ITPR2: variants seen among roughly 807,000 people sequenced by gnomAD.
ITPR2 encodes inositol 1,4,5-trisphosphate-gated calcium channel ITPR2.
Under a neutral mutation model 317.1 loss-of-function variants are expected in ITPR2, and 207 were observed. The observed-to-expected ratio is 0.65, with a 90% CI of 0.58 to 0.73. The LOEUF (loss-of-function observed/expected upper bound fraction) is 0.73, where lower values mean the gene tolerates loss of function less well. Ranked by LOEUF, ITPR2 falls within the 30% of genes least tolerant of loss-of-function variation. The pLI is 0.00. For synonymous variants in ITPR2, 1,156 were observed against 1,149.1 expected (o/e 1.01, Z -0.12); for missense variants, 2,613 against 3,284.0 (o/e 0.80, Z 4.99).
intron 44 of ITPR2, 74 bp from the exon 45 acceptor site, chr12:26,475,492 A>AAAT: frequency 4.6e-6 from 7 of 1,524,502 alleles, no homozygotes; most frequent in Non-Finnish European, 6.2e-6. Flanking sequence ...ATTTAATTAA[A>AAAT]AATTGGGCAG....
intron 2 of ITPR2, among the ~76,000 whole-genome samples, chr12:26,727,440 T>A (rs1193503400): frequency 6.6e-6 from 1 of 152,192 alleles, no homozygotes; most frequent in Admixed American, 6.5e-5. Context: ...AGAGAAAAAA[T>A]TGTGTTTCTC....
At chr12:26,516,280 G>GGGAAAGGAAAGGAAAGGAAA (rs1943503195) in intron 37 of ITPR2, among the ~76,000 whole-genome samples, 1 of 45,212 alleles carries the variant, frequency 2.2e-5, no homozygotes, top group Non-Finnish European at 3.8e-5. Context: ...AGGAAGGGAA[G>GGGAAAGGAAAGGAAAGGAAA]GGAAGGGAAA....
At chr12:26,763,531 T>C (rs571762174) in intron 2 of ITPR2, among the ~76,000 whole-genome samples, 2 of 152,286 alleles carry the variant, frequency 1.3e-5, no homozygotes, top group East Asian at 1.9e-4. Flanking sequence ...CTCAGGATAG[T>C]AGTTATCTTT....
At chr12:26,631,145 T>C (rs967480332) in intron 22 of ITPR2, among the ~76,000 whole-genome samples, 1 of 152,116 alleles carries the variant, frequency 6.6e-6, no homozygotes, top group African/African-American at 2.4e-5. Flanking sequence ...CAAACTCCAT[T>C]CTCCAAATCT....
intron 45 of ITPR2, among the ~76,000 whole-genome samples, chr12:26,465,760 C>T (rs769138154): frequency 6.6e-6 from 1 of 152,088 alleles, no homozygotes; most frequent in Non-Finnish European, 1.5e-5. Context: ...TAAAGGTATA[C>T]TCCATGGGGG....
chr12:26,625,666 GTATA>G (rs1946606908), intron 23 of ITPR2, among the ~76,000 whole-genome samples: 2 of 152,084 alleles, frequency 1.3e-5, no homozygotes, highest in South Asian at 4.1e-4. Context: ...AAGTGTGTGT[GTATA>G]TATAGATCAT....
chr12:26,666,135 G>GAGATAGATGATAGATAGAT (rs1555173863), intron 13 of ITPR2, 84 bp from the exon 14 acceptor site: 5 of 411,782 alleles, frequency 1.2e-5, no homozygotes, highest in Non-Finnish European at 2.1e-5. Context: ...TAGGTAGGTA[G>GAGATAGATGATAGATAGAT]AGATAGATAG....
rs1940689036 is a variant in ITPR2 at position 26,415,358 on chromosome 12, C to A, written c.7251G>T (p.Leu2417Phe). 1.2e-6 allele frequency: 2 copies of A among 1,611,556 alleles called. No individual in the cohort carries two copies. The highest frequency in any genetic ancestry group is 4.5e-5 in the East Asian group (2 of 44,788). ...YLFSIIGFLF[L>F]KDDFTMEVDR... Reference sequence around the variant, plus strand: ...CAACTTCCATAGTGAAGTCATCCTTCAAAAAAAGGAACCCAATAATGGAAA... The same window carrying A: ...CAACTTCCATAGTGAAGTCATCCTTAAAAAAAAGGAACCCAATAATGGAAA... The change falls in exon 51 of 57, where the codon TTG becomes TTT. Residue 2417 changes from leucine (L) to phenylalanine (F), a missense_variant. Leu to Phe is a conservative substitution (Grantham distance 22). Around this residue, in one of 9 missense-constraint regions of ITPR2, gnomAD observed 113 missense variants for 129.2 expected, o/e 0.87. Coordinates refer to ENST00000381340, the MANE Select transcript of ITPR2 (RefSeq NM_002223.4).
intron 21 of ITPR2, among the ~76,000 whole-genome samples, chr12:26,636,211 C>G (rs1946861845): frequency 1.3e-5 from 2 of 152,224 alleles, no homozygotes; most frequent in African/African-American, 4.8e-5. Context: ...GGTGCAATGT[C>G]ACCTCCATAG....
intron 13 of ITPR2, among the ~76,000 whole-genome samples, chr12:26,681,412 G>A (rs994429106): frequency 4.0e-5 from 6 of 151,896 alleles, no homozygotes; most frequent in African/African-American, 1.5e-4. Context: ...CAAGGTATGA[G>A]GGCAGAGAAC....
chr12:26,768,277 A>C (rs10842786), intron 2 of ITPR2, among the ~76,000 whole-genome samples: 2 of 124,522 alleles, frequency 1.6e-5, no homozygotes, highest in Non-Finnish European at 3.4e-5. Context: ...GGTCGGGGGA[A>C]GGGGGAGGGA....
intron 45 of ITPR2, among the ~76,000 whole-genome samples, chr12:26,451,564 T>C (rs1368080143): frequency 6.6e-6 from 1 of 152,158 alleles, no homozygotes; most frequent in African/African-American, 2.4e-5. Flanking sequence ...AAATCCACTA[T>C]GGTTCTTAGA....
At chr12:26,668,763 G>A (rs995808717) in intron 13 of ITPR2, among the ~76,000 whole-genome samples, 2 of 151,596 alleles carry the variant, frequency 1.3e-5, no homozygotes, top group African/African-American at 2.4e-5. Flanking sequence ...AAAAGACAAC[G>A]TATTTTAAAA....
At chr12:26,479,521 CTA>C (rs1942498951) in intron 43 of ITPR2, among the ~76,000 whole-genome samples, 1 of 152,244 alleles carries the variant, frequency 6.6e-6, no homozygotes, top group East Asian at 1.9e-4. Context: ...CAAGACCTCT[CTA>C]TGTTGTTTCT....
chr12:26,360,085 C>G (rs561822474), intron 55 of ITPR2, among the ~76,000 whole-genome samples: 1 of 152,214 alleles, frequency 6.6e-6, no homozygotes, highest in East Asian at 1.9e-4. Context: ...ATTTTTGTCT[C>G]CGTTTCTTTG....
chr12:26,780,219 C>G (rs144161779), intron 2 of ITPR2, among the ~76,000 whole-genome samples: 98 of 152,314 alleles, frequency 6.4e-4, no homozygotes, highest in African/African-American at 2.3e-3. Context: ...GAGACCAACA[C>G]TGAGCCTTCG....
intron 43 of ITPR2, among the ~76,000 whole-genome samples, chr12:26,478,818 T>G (rs1330092595): frequency 6.6e-6 from 1 of 151,404 alleles, no homozygotes; most frequent in Non-Finnish European, 1.5e-5. Context: ...GTTTTGCAAA[T>G]GAAAATAAAA....
At chr12:26,745,927 A>G (rs1290912373) in intron 2 of ITPR2, among the ~76,000 whole-genome samples, 1 of 152,216 alleles carries the variant, frequency 6.6e-6, no homozygotes, top group Non-Finnish European at 1.5e-5. Flanking sequence ...TGATTATATC[A>G]GCTCACAAGA....
intron 25 of ITPR2, 64 bp from the exon 26 acceptor site, chr12:26,621,360 T>C: frequency 1.6e-6 from 2 of 1,273,054 alleles, no homozygotes; most frequent in Non-Finnish European, 2.2e-6. Context: ...ATGAATATTT[T>C]AGATGTATAT....
Sources: allele counts gnomAD v4.1 joint callset (sites outside exome capture counted in the v4.1 genomes callset), GRCh38; gene constraint gnomAD v4.1.1; regional missense constraint gnomAD v4.1.1; transcripts MANE v1.5; gene names NCBI Gene and HGNC (gene_info 2026-07-23, HGNC 2026-07-21).